The following IP6K1 variants were observed in gnomAD, a reference collection of about 807,000 sequenced individuals.
IP6K1 encodes the protein ATP:1D-myo-inositol-hexakisphosphate phosphotransferase.
IP6K1 carries 13 observed loss-of-function variants against 38.3 expected under a neutral mutation model. The observed-to-expected ratio is 0.34, with a 90% CI of 0.22 to 0.54. The LOEUF (loss-of-function observed/expected upper bound fraction) is 0.54, where lower values mean the gene tolerates loss of function less well. Ranked by LOEUF, IP6K1 falls within the 20% of genes least tolerant of loss-of-function variation. The probability of loss-of-function intolerance (pLI) is 0.92; values close to 1 mark genes in which losing one functional copy is unlikely to be tolerated. For synonymous variants in IP6K1, 212 were observed against 229.9 expected, an observed-to-expected ratio of 0.92 and a Z score of 0.70; for missense variants, 397 against 599.8, an observed-to-expected ratio of 0.66 and a Z score of 3.53.
At chr3:49,761,812 G>A (rs1232247877) in intron 1 of IP6K1, among the ~76,000 whole-genome samples, 1 of 151,902 alleles carries the variant, frequency 6.6e-6, no homozygotes, top group Non-Finnish European at 1.5e-5. Context: ...AAATTAGGCA[G>A]GCATGGTGGT....
At chr3:49,754,926 C>CT (rs11391839) in intron 1 of IP6K1, among the ~76,000 whole-genome samples, 116,011 of 144,530 alleles carry the variant, frequency 0.8, 46,661 homozygotes, top group East Asian at 0.98. Context: ...GATATGCAAT[C>CT]TTTTTTTTTT....
chr3:49,757,191 C>T (rs1238495213), intron 1 of IP6K1, among the ~76,000 whole-genome samples: 1 of 152,184 alleles, frequency 6.6e-6, no homozygotes, highest in Non-Finnish European at 1.5e-5. Flanking sequence ...AGCTTCCATA[C>T]AACTGAAAGA....
chr3:49,729,089 T>C (rs1324999282), intron 4 of IP6K1, among the ~76,000 whole-genome samples: 1 of 152,028 alleles, frequency 6.6e-6, no homozygotes, highest in East Asian at 1.9e-4. Flanking sequence ...TAAATAGCAC[T>C]GAACAGTGAC....
intron 2 of IP6K1, among the ~76,000 whole-genome samples, chr3:49,740,947 G>A (rs1214973935): frequency 6.6e-6 from 1 of 150,578 alleles, no homozygotes; most frequent in Non-Finnish European, 1.5e-5. Flanking sequence ...TCCGCCTCCC[G>A]AGGTGATTCT....
At chr3:49,779,859 C>CT (rs974214625) in intron 1 of IP6K1, among the ~76,000 whole-genome samples, 37 of 150,798 alleles carry the variant, frequency 2.5e-4, no homozygotes, top group African/African-American at 6.8e-4. Context: ...TTAACTTTTA[C>CT]TTTTTTTTTG....
At chr3:49,750,740 C>T (rs2080767377) in intron 1 of IP6K1, among the ~76,000 whole-genome samples, 1 of 152,026 alleles carries the variant, frequency 6.6e-6, no homozygotes, top group Non-Finnish European at 1.5e-5. Flanking sequence ...TCCCCTGACT[C>T]TGAGAGATCT....
intron 1 of IP6K1, among the ~76,000 whole-genome samples, chr3:49,764,067 A>G (rs972680472): frequency 6.6e-6 from 1 of 151,812 alleles, no homozygotes; most frequent in Non-Finnish European, 1.5e-5. Context: ...CTTCTTCCTC[A>G]CTTAATAAAG....
intron 1 of IP6K1, among the ~76,000 whole-genome samples, chr3:49,778,113 C>A (rs1230600515): frequency 6.7e-6 from 1 of 149,832 alleles, no homozygotes; most frequent in Admixed American, 6.7e-5. Flanking sequence ...ATCACAAGGT[C>A]AGGAGATCGA....
At chr3:49,739,588 C>T (rs1043079381) in intron 2 of IP6K1, among the ~76,000 whole-genome samples, 12 of 151,924 alleles carry the variant, frequency 7.9e-5, no homozygotes, top group Middle Eastern at 3.2e-3. Flanking sequence ...CTCCTGACCT[C>T]GTGATCCACC....
intron 5 of IP6K1, 80 bp downstream of exon 5, chr3:49,728,022 TG>T: frequency 7.1e-7 from 1 of 1,412,504 alleles, no homozygotes; most frequent in Non-Finnish European, 9.8e-7. Context: ...AGGACACACT[TG>T]GCATAGATGG....
At chr3:49,733,963 G>A (rs2080584300) in intron 3 of IP6K1, among the ~76,000 whole-genome samples, 3 of 152,014 alleles carry the variant, frequency 2.0e-5, no homozygotes, top group African/African-American at 7.2e-5. Flanking sequence ...AACTCCATCT[G>A]TACAAAAAAT....
chr3:49,761,896 T>C (rs936092745), intron 1 of IP6K1, among the ~76,000 whole-genome samples: 1 of 151,072 alleles, frequency 6.6e-6, no homozygotes, highest in Admixed American at 6.6e-5. Flanking sequence ...CAGTAAGCCA[T>C]GATTGCACCA....
intron 1 of IP6K1, among the ~76,000 whole-genome samples, chr3:49,754,015 C>CA (rs1220139106): frequency 6.6e-6 from 1 of 151,802 alleles, no homozygotes. Context: ...ATCAATGATA[C>CA]AAAAGAGATT....
intron 1 of IP6K1, among the ~76,000 whole-genome samples, chr3:49,777,573 G>A (rs1049100672): frequency 4.1e-5 from 6 of 147,358 alleles, no homozygotes; most frequent in African/African-American, 1.5e-4. Flanking sequence ...AAAAAAAAAA[G>A]AAAAAAAGAA....
intron 2 of IP6K1, among the ~76,000 whole-genome samples, chr3:49,743,438 G>A (rs910437771): frequency 6.6e-6 from 1 of 151,860 alleles, no homozygotes; most frequent in Non-Finnish European, 1.5e-5. Flanking sequence ...TCAGCACTAT[G>A]AGAGGCCAAG....
intron 2 of IP6K1, among the ~76,000 whole-genome samples, chr3:49,745,151 A>G (rs955888098): frequency 4.6e-5 from 7 of 152,204 alleles, no homozygotes; most frequent in African/African-American, 1.7e-4. Flanking sequence ...AAACAAACAC[A>G]TAGACAAAAA....
In IP6K1 at chr3:49,758,179, G is replaced by A. The variant is rs575368260; in HGVS notation, c.-128-10011C>T. Among the ~76,000 whole-genome samples the A allele has an allele frequency of 3.6e-4, 55 of 151,822 alleles. 1 individual carries two copies. Among genetic ancestry groups the A allele is most frequent in the Admixed American group, 9.9e-4 (15 of 15,220 alleles). On this transcript the variant is annotated intron_variant, in intron 1 of 5. Transcript: ENST00000321599. ...AAAAAAATTAGCCAGGCATGGTGGCGGGCGCCTGTAGTCAGTCCCAGCTAC... is the reference window on the plus strand; with the variant it reads ...AAAAAAATTAGCCAGGCATGGTGGCAGGCGCCTGTAGTCAGTCCCAGCTAC...
At chr3:49,742,475 G>A (rs2080678088) in intron 2 of IP6K1, among the ~76,000 whole-genome samples, 2 of 152,138 alleles carry the variant, frequency 1.3e-5, no homozygotes, top group African/African-American at 2.4e-5. Flanking sequence ...CGTGAGCCCG[G>A]GAGGCAGAGC....
intron 2 of IP6K1, among the ~76,000 whole-genome samples, chr3:49,741,365 T>C (rs1030120523): frequency 6.6e-6 from 1 of 152,330 alleles, no homozygotes; most frequent in Non-Finnish European, 1.5e-5. Context: ...TAAAATAAGA[T>C]ACCTGGTATG....
Sources: allele counts gnomAD v4.1 joint callset (sites outside exome capture counted in the v4.1 genomes callset), GRCh38; gene constraint gnomAD v4.1.1; transcripts MANE v1.5; gene names NCBI Gene and HGNC (gene_info 2026-07-23, HGNC 2026-07-21).